Variants in SPTBN2 observed in about 807,000 individuals in gnomAD.
The protein encoded by SPTBN2 is spectrin beta chain, non-erythrocytic 2.
A neutral mutation model predicts 284.2 loss-of-function variants in SPTBN2; 107 were observed. That is an observed-to-expected ratio of 0.38 (90% CI 0.32 to 0.44). The LOEUF (loss-of-function observed/expected upper bound fraction) is 0.44. SPTBN2 is among the 20% of genes least tolerant of loss of function. The pLI is 1.00. For synonymous variants in SPTBN2, 1,289 were observed against 1,354.8 expected (o/e 0.95, Z 1.07); for missense variants, 2,569 against 3,287.1 (o/e 0.78, Z 5.34).
In SPTBN2 at chr11:66,693,021, T is replaced by G. The variant is rs1590921433; in HGVS notation, c.4934A>C (p.His1645Pro). ...QALADYAQTI[H>P]QLAASSQDMI... ...GTCCTGGCTGCTGGCCGCCAGCTGG[T>G]GGATGGTCTGCGCGTAGTCGGCCAG... The change falls in exon 25 of 38, where the codon CAC (histidine) becomes CCC (proline). Residue 1645 changes from histidine to proline, a missense_variant. Physicochemically the swap from His to Pro is moderately conservative, Grantham distance 77. Transcript: ENST00000533211. The surrounding 1 kb of genome is among the most constrained non-coding windows in gnomAD (Gnocchi z 5.7). 1 of 1,612,096 alleles carries G rather than the reference T, an allele frequency of 6.2e-7. No homozygotes were observed.
rs75895620 is a variant in SPTBN2, at chr11:66,725,309, C to G, written c.-114+3432G>C. ...CTCTGCTACCTTTGTGTCTCTAGGTCTTGGTTTCCAAGCATTCTGGCTCTG... is the reference window on the plus strand; with the variant it reads ...CTCTGCTACCTTTGTGTCTCTAGGTGTTGGTTTCCAAGCATTCTGGCTCTG... On this transcript the variant is annotated intron_variant, in intron 1 of 37. Coordinates refer to ENST00000533211, the MANE Select transcript of SPTBN2 (RefSeq NM_006946.4). Among the ~76,000 whole-genome samples, 8 of 152,336 alleles carry G rather than the reference C, an allele frequency of 5.3e-5. No homozygotes were observed. In the East Asian group the frequency reaches 1.5e-3, roughly 29 times the overall value.
chr11:66,691,165 C>T lies in SPTBN2; in HGVS notation c.5565+119G>A, dbSNP rs1316684787. On this transcript the variant is annotated intron_variant, in intron 27 of 37. Coordinates refer to ENST00000533211, the MANE Select transcript of SPTBN2 (RefSeq NM_006946.4). The surrounding 1 kb of genome is among the most constrained non-coding windows in gnomAD (Gnocchi z 8.0). ...AATTTCCTCATCTCGAAATGGCCCTCGAAAGAGTGCCGTCCTCCCAGCATT... is the reference window on the plus strand; with the variant it reads ...AATTTCCTCATCTCGAAATGGCCCTTGAAAGAGTGCCGTCCTCCCAGCATT... 7.2e-6 allele frequency: 10 copies of T among 1,388,016 alleles called. No homozygotes were observed. In the African/African-American group the frequency reaches 1.0e-4, roughly 14 times the overall value. The allele number at this position is 1,388,016 out of a possible 1,614,324, so 86.0% of individuals were successfully genotyped here.
At chr11:66,720,985 A>G (rs1942376563) in intron 3 of SPTBN2, 99 bp downstream of exon 3, 6 of 1,534,380 alleles carry the variant, frequency 3.9e-6, no homozygotes, top group Non-Finnish European at 5.3e-6. Flanking sequence ...CCCACTTAGA[A>G]AGAAAAGTCA....
At chr11:66,703,318 G>A (rs1013565324) in intron 15 of SPTBN2, among the ~76,000 whole-genome samples, 1 of 152,236 alleles carries the variant, frequency 6.6e-6, no homozygotes, top group East Asian at 1.9e-4. Flanking sequence ...TTGGAATCAA[G>A]TGATACTCCT....
rs1329949435 is a variant in SPTBN2, at chr11:66,686,120, C to A, written c.6940-16G>T. On this transcript the variant is annotated splice_polypyrimidine_tract_variant and intron_variant, in intron 37 of 37. Coordinates refer to ENST00000533211, the MANE Select transcript of SPTBN2 (RefSeq NM_006946.4). ...TCATCTCTGCCTGTGGATGGAAAGA[C>A]CCTCAATCAGCTTCAAGGACACTGT... 1 of 1,607,744 alleles carries A rather than the reference C, an allele frequency of 6.2e-7. No homozygotes were observed.
chr11:66,721,725 T>C (rs550209910), intron 1 of SPTBN2, among the ~76,000 whole-genome samples: 12 of 152,300 alleles, frequency 7.9e-5, no homozygotes, highest in African/African-American at 2.9e-4. Flanking sequence ...GATGGCCTAC[T>C]ATACCCTGTA....
In SPTBN2 at chr11:66,687,797, A is replaced by G; in HGVS notation, c.6501+71T>C. On this transcript the variant is annotated intron_variant, in intron 34 of 37. Transcript: ENST00000533211. This position sits in a 1 kb window ranked among gnomAD's most constrained non-coding sequence, Gnocchi z 5.2. ...CCCATCCCATCCCCAGTACTCCCCC[A>G]CCCGCACTCACCACCCCCTCTGGAC... The G allele has an allele frequency of 6.5e-7, 1 of 1,545,282 alleles. No individual in the cohort carries two copies. Among genetic ancestry groups the G allele is most frequent in the Non-Finnish European group, 8.9e-7 (1 of 1,119,138 alleles).
chr11:66,736,802 T>C (rs946128904), intron 1 of SPTBN2, among the ~76,000 whole-genome samples: 1 of 152,214 alleles, frequency 6.6e-6, no homozygotes, highest in African/African-American at 2.4e-5. Context: ...TTTGAAGCTA[T>C]AGACATTTGA....
intron 8 of SPTBN2, among the ~76,000 whole-genome samples, chr11:66,713,191 G>A (rs189288794): frequency 6.6e-6 from 1 of 150,994 alleles, no homozygotes; most frequent in Admixed American, 6.6e-5. Flanking sequence ...TCACTGGGCT[G>A]CCTTTCTTCC....
intron 16 of SPTBN2, 72 bp from the exon 17 acceptor site, chr11:66,701,354 C>G: frequency 6.3e-7 from 1 of 1,579,414 alleles, no homozygotes; most frequent in East Asian, 2.3e-5. Context: ...CTGCTTCTCT[C>G]TCTCTTGGTA....
chr11:66,719,015 C>T (rs1021622644), intron 3 of SPTBN2, among the ~76,000 whole-genome samples: 1 of 152,252 alleles, frequency 6.6e-6, no homozygotes, highest in Admixed American at 6.5e-5. Context: ...AGAGGGGCCC[C>T]CAATGCAAAC....
At chr11:66,740,708 G>A (rs1208355526) in intron 1 of SPTBN2, among the ~76,000 whole-genome samples, 2 of 152,196 alleles carry the variant, frequency 1.3e-5, no homozygotes, top group East Asian at 1.9e-4. Context: ...CTTTCCTACT[G>A]TCTGGATGGG....
chr11:66,710,525 A>G lies in SPTBN2; in HGVS notation c.1073+57T>C. The G allele has an allele frequency of 1.3e-6, 2 of 1,572,806 alleles. No individual in the cohort carries two copies. Among genetic ancestry groups the G allele is most frequent in the Non-Finnish European group, 1.7e-6 (2 of 1,153,730 alleles). On this transcript the variant is annotated intron_variant, in intron 10 of 37. Transcript: ENST00000533211. The surrounding 1 kb of genome is among the most constrained non-coding windows in gnomAD (Gnocchi z 4.9). The stretch of plus-strand genomic sequence containing the variant: ...CCCTCCCTGAAGGCTGTGCTAATTT[A>G]GGCTTCCTCTCGTGGGAGCACAGCT...
Position 66,701,246 on chromosome 11 carries a change from C to G in SPTBN2, c.2853G>C (p.Lys951Asn), listed in dbSNP as rs1283873952. The change falls in exon 17 of 38, where the codon AAG becomes AAC. Residue 951 changes from lysine to asparagine, a missense_variant. By Grantham distance (94) the Lys-to-Asn change is moderately conservative. Around this residue, in one of 6 missense-constraint regions of SPTBN2, gnomAD observed 1,012 missense variants for 1,248.9 expected, o/e 0.81. Coordinates refer to ENST00000533211, the MANE Select transcript of SPTBN2 (RefSeq NM_006946.4). Reference sequence around the variant, plus strand: ...TGCTCAGGGCTGAGGTGAGAGCTGCCTTCTTGCCGTCTGCCAGACGCCGAA... The same window carrying G: ...TGCTCAGGGCTGAGGTGAGAGCTGCGTTCTTGCCGTCTGCCAGACGCCGAA... ...QQFRRLADGK[K>N]AALTSALSIQ... 1.2e-6 allele frequency: 2 copies of G among 1,612,996 alleles called. No individual in the cohort carries two copies. Among genetic ancestry groups the G allele is most frequent in the East Asian group, 2.2e-5 (1 of 44,876 alleles).
intron 21 of SPTBN2, among the ~76,000 whole-genome samples, chr11:66,695,742 C>CT (rs1940865436): frequency 6.6e-6 from 1 of 151,812 alleles, no homozygotes; most frequent in Admixed American, 6.6e-5. Flanking sequence ...ATTTATACTT[C>CT]TGTTTTTTTT....
chr11:66,687,807 A>G lies in SPTBN2; in HGVS notation c.6501+61T>C. ...CCCCAGTACTCCCCCACCCGCACTC[A>G]CCACCCCCTCTGGACCCTTCGCCTC... On this transcript the variant is annotated intron_variant, in intron 34 of 37. Transcript: ENST00000533211. This position sits in a 1 kb window ranked among gnomAD's most constrained non-coding sequence, Gnocchi z 5.2. 6.2e-7 allele frequency: 1 copy of G among 1,604,908 alleles called. No homozygotes were observed. Among genetic ancestry groups the G allele is most frequent in the Non-Finnish European group, 8.5e-7 (1 of 1,172,796 alleles).
intron 17 of SPTBN2, 96 bp from the exon 18 acceptor site, chr11:66,699,704 A>C: frequency 7.9e-7 from 1 of 1,257,998 alleles, no homozygotes; most frequent in South Asian, 1.2e-5. Context: ...GGTAGGGACC[A>C]ACAAGCAGAC....
intron 27 of SPTBN2, among the ~76,000 whole-genome samples, chr11:66,690,531 C>T (rs1406207835): frequency 6.6e-6 from 1 of 152,164 alleles, no homozygotes; most frequent in Non-Finnish European, 1.5e-5. Flanking sequence ...GCCAGTTGAA[C>T]TTTCAGAGGC....
upstream of SPTBN2, among the ~76,000 whole-genome samples, chr11:66,733,255 G>A (rs989474771): frequency 6.6e-6 from 1 of 152,202 alleles, no homozygotes; most frequent in African/African-American, 2.4e-5. Flanking sequence ...GGTTACTCCA[G>A]TTGCTATGGA....
Sources: allele counts gnomAD v4.1 joint callset (sites outside exome capture counted in the v4.1 genomes callset), GRCh38; gene constraint gnomAD v4.1.1; regional missense constraint gnomAD v4.1.1; non-coding constraint Gnocchi (gnomAD v3.1); transcripts MANE v1.5; gene names NCBI Gene and HGNC (gene_info 2026-07-23, HGNC 2026-07-21).